Variants in FHL5 observed in about 807,000 individuals in gnomAD.
FHL5 encodes four and a half LIM domains 5.
In FHL5, 33 loss-of-function variants were observed where a neutral mutation model predicts 32.0. That is an observed-to-expected ratio of 1.03 (90% CI 0.78 to 1.38). FHL5 has a LOEUF of 1.38. Ranked by LOEUF, FHL5 falls within the 40% of genes most tolerant of loss-of-function variation. FHL5 has a pLI of 0.00. For missense variants in FHL5, 336 were observed against 343.9 expected (o/e 0.98, Z 0.18); for synonymous variants, 114 against 113.6 (o/e 1.00, Z -0.02).
At chr6:96,567,462 C>T (rs1262132348) in intron 1 of FHL5, among the ~76,000 whole-genome samples, 1 of 151,890 alleles carries the variant, frequency 6.6e-6, no homozygotes, top group East Asian at 1.9e-4. Flanking sequence ...ATTGCTTTGG[C>T]TATTCAGGGT....
intron 5 of FHL5, among the ~76,000 whole-genome samples, chr6:96,614,429 T>C (rs1161007646): frequency 6.6e-6 from 1 of 152,092 alleles, no homozygotes; most frequent in African/African-American, 2.4e-5. Context: ...GTAGAGAAAT[T>C]TGATGCAATT....
At chr6:96,575,325 A>G (rs1770561715) in intron 1 of FHL5, among the ~76,000 whole-genome samples, 1 of 152,232 alleles carries the variant, frequency 6.6e-6, no homozygotes, top group Non-Finnish European at 1.5e-5. Flanking sequence ...AAAGCAAATG[A>G]GAAATAGATA....
At chr6:96,565,551 C>T (rs554024565) in intron 1 of FHL5, among the ~76,000 whole-genome samples, 46 of 152,226 alleles carry the variant, frequency 3.0e-4, no homozygotes, top group East Asian at 3.9e-4. Flanking sequence ...AAGCTTTGAG[C>T]GATTCCTTTG....
chr6:96,596,826 C>A (rs1771044907), intron 1 of FHL5, among the ~76,000 whole-genome samples: 1 of 152,040 alleles, frequency 6.6e-6, no homozygotes, highest in Non-Finnish European at 1.5e-5. Context: ...ATAACTAAAC[C>A]TGAGTTAATC....
rs980885575 is a variant in FHL5, at chr6:96,617,344, C to A, written c.*1572C>A. On this transcript the variant is annotated 3_prime_UTR_variant, in exon 6 of 6. Transcript: ENST00000450218. The stretch of plus-strand genomic sequence containing the variant: ...TCTAATTGTAAGATACTGCTGATTA[C>A]AATTACCAAAATAGCATCACAGGAG... 1.3e-4 allele frequency among the ~76,000 whole-genome samples: 20 copies of A among 152,102 alleles called. No individual in the cohort carries two copies. The highest frequency in any genetic ancestry group is 4.8e-4 in the African/African-American group (20 of 41,432).
intron 1 of FHL5, among the ~76,000 whole-genome samples, chr6:96,564,723 A>G (rs1770316058): frequency 6.6e-6 from 1 of 152,224 alleles, no homozygotes; most frequent in South Asian, 2.1e-4. Flanking sequence ...TGATCTCTTT[A>G]GAAATGAAAG....
At chr6:96,579,251 C>A (rs1053177661) in intron 1 of FHL5, among the ~76,000 whole-genome samples, 3 of 152,148 alleles carry the variant, frequency 2.0e-5, no homozygotes, top group African/African-American at 7.2e-5. Context: ...CATACAGTTT[C>A]TTCAAGAATG....
At chr6:96,579,791 G>A (rs1770661005) in intron 1 of FHL5, among the ~76,000 whole-genome samples, 1 of 152,118 alleles carries the variant, frequency 6.6e-6, no homozygotes, top group South Asian at 2.1e-4. Context: ...CAAACTCTTA[G>A]TGACAGGCTG....
chr6:96,574,026 G>A (rs1479125396), intron 1 of FHL5, among the ~76,000 whole-genome samples: 1 of 150,698 alleles, frequency 6.6e-6, no homozygotes, highest in African/African-American at 2.4e-5. Context: ...TTCTAAACTT[G>A]TTTCTACTTA....
intron 1 of FHL5, among the ~76,000 whole-genome samples, chr6:96,584,389 T>C (rs1770752928): frequency 2.0e-5 from 3 of 151,276 alleles, no homozygotes; most frequent in South Asian, 4.2e-4. Context: ...CAGAGTGTAT[T>C]TGAGGAATAG....
At chr6:96,606,593 C>A (rs936115887) in intron 4 of FHL5, among the ~76,000 whole-genome samples, 8 of 152,114 alleles carry the variant, frequency 5.3e-5, no homozygotes, top group Non-Finnish European at 1.0e-4. Flanking sequence ...CTCAGGTGAT[C>A]CACCTGCCTT....
At chr6:96,570,699 T>A (rs988643659) in intron 1 of FHL5, among the ~76,000 whole-genome samples, 4 of 152,156 alleles carry the variant, frequency 2.6e-5, no homozygotes, top group Non-Finnish European at 5.9e-5. Context: ...ATTTCTTTTT[T>A]CTTTTCTCTG....
At position 96,569,858 on chromosome 6, in the gene FHL5, A is replaced by C. The variant is rs533529775; in HGVS notation, c.-13+6503A>C. On this transcript the variant is annotated intron_variant, in intron 1 of 5. Transcript: ENST00000450218. ...TTTTTTTAATTCATTCAGCTAGTCT[A>C]TATCTTTTCAGTTGGGAATTTAGTC... Among the ~76,000 whole-genome samples, 44 of 145,690 alleles carry C rather than the reference A, an allele frequency of 3.0e-4. 1 individual carries two copies. Among genetic ancestry groups the C allele is most frequent in the African/African-American group, 1.0e-3 (41 of 39,952 alleles).
chr6:96,583,948 C>A (rs566700161), intron 1 of FHL5, among the ~76,000 whole-genome samples: 2 of 152,118 alleles, frequency 1.3e-5, no homozygotes, highest in East Asian at 1.9e-4. Flanking sequence ...TCATAGAATT[C>A]TTTTCGTATA....
intron 1 of FHL5, among the ~76,000 whole-genome samples, chr6:96,603,253 A>T (rs1176012500): frequency 6.6e-6 from 1 of 152,246 alleles, no homozygotes; most frequent in Non-Finnish European, 1.5e-5. Flanking sequence ...CCCTAGCAAC[A>T]GTTTATATCC....
At position 96,610,612 on chromosome 6, in the gene FHL5, G is replaced by T; in HGVS notation, c.545G>T (p.Trp182Leu). 1 of 1,614,006 alleles carries T rather than the reference G, an allele frequency of 6.2e-7. No homozygotes were observed. The highest frequency in any genetic ancestry group is 8.5e-7 in the Non-Finnish European group (1 of 1,179,918). Residue 182 changes from tryptophan (W) to leucine (L), a missense_variant, in exon 5 of 6, where the codon TGG (tryptophan) becomes TTG (leucine). By Grantham distance (61) the Trp-to-Leu change is moderately conservative (BLOSUM62 -2). Coordinates refer to ENST00000450218, the MANE Select transcript of FHL5 (RefSeq NM_001322466.2). ...SGGITFCDQL[W>L]HKECFLCSGC... ...GGGATAACATTTTGTGACCAGCTAT[G>T]GCATAAAGAGTGTTTTCTGTGTAGT... is the stretch of plus-strand genomic sequence containing the variant.
chr6:96,575,735 G>T (rs562277519), intron 1 of FHL5, among the ~76,000 whole-genome samples: 1 of 152,130 alleles, frequency 6.6e-6, no homozygotes, highest in African/African-American at 2.4e-5. Context: ...TCTCTCTTAC[G>T]ATCTTTAACT....
Position 96,564,182 on chromosome 6 carries a change from A to G in FHL5, c.-13+827A>G, listed in dbSNP as rs182611333. Among the ~76,000 whole-genome samples, 3 of 152,322 alleles carry G rather than the reference A, an allele frequency of 2.0e-5. No individual in the cohort carries two copies. The East Asian group carries it at 5.8e-4, about 29-fold the overall frequency. On this transcript the variant is annotated intron_variant, in intron 1 of 5. Coordinates refer to ENST00000450218, the MANE Select transcript of FHL5 (RefSeq NM_001322466.2). ...AACAAAATGCATAGCTCTCATACAT[A>G]AAATGTAAGGAAATCCTTGAGCCAT...
chr6:96,569,199 C>G (rs1280385628), intron 1 of FHL5, among the ~76,000 whole-genome samples: 1 of 151,882 alleles, frequency 6.6e-6, no homozygotes, highest in Non-Finnish European at 1.5e-5. Context: ...TCTTCATTGA[C>G]TAATTTGTTA....
Sources: gnomAD v4.1 joint callset for allele counts (sites outside exome capture counted in the v4.1 genomes callset) on GRCh38, gnomAD v4.1.1 for gene constraint, MANE v1.5 for transcripts, NCBI Gene and HGNC (gene_info 2026-07-23, HGNC 2026-07-21) for gene names.